PRKN: variants seen among roughly 807,000 people sequenced by gnomAD.
PRKN encodes the protein parkin RBR E3 ubiquitin protein ligase.
A neutral mutation model predicts 59.5 loss-of-function variants in PRKN; 56 were observed. The observed-to-expected ratio is 0.94, with a 90% CI of 0.76 to 1.18. The LOEUF (loss-of-function observed/expected upper bound fraction) is 1.18, where lower values mean the gene tolerates loss of function less well. Ranked by LOEUF, PRKN falls within the 50% of genes most tolerant of loss-of-function variation. PRKN has a pLI of 0.00. For missense variants in PRKN, 657 were observed against 596.4 expected, an observed-to-expected ratio of 1.10 and a Z score of -1.06; for synonymous variants, 250 against 222.1, an observed-to-expected ratio of 1.13 and a Z score of -1.12.
At chr6:162,668,422 C>T (rs1231608932) in intron 1 of PRKN, among the ~76,000 whole-genome samples, 3 of 152,010 alleles carry the variant, frequency 2.0e-5, no homozygotes, top group African/African-American at 7.2e-5. Context: ...GGCCAAGTGC[C>T]AAAGGCCAGC....
chr6:161,735,891 G>C (rs189612788), intron 7 of PRKN, among the ~76,000 whole-genome samples: 2 of 151,962 alleles, frequency 1.3e-5, no homozygotes, highest in Non-Finnish European at 2.9e-5. Context: ...CTCCAGCCTG[G>C]GCAACAGAGC....
rs1052522777 is a variant in PRKN at position 161,447,291 on chromosome 6, G to A, written c.1084-60414C>T. ...TGACATGCTCAATCTAGGGTTTCCC[G>A]CGGCTAAACCCTAAAATTCACTTCG... is the stretch of plus-strand genomic sequence containing the variant. On this transcript the variant is annotated intron_variant, in intron 9 of 11. Coordinates refer to ENST00000366898, the MANE Select transcript of PRKN (RefSeq NM_004562.3). This position sits in a 1 kb window ranked among gnomAD's most constrained non-coding sequence, Gnocchi z 4.1. Among the ~76,000 whole-genome samples, 5 of 152,120 alleles carry A rather than the reference G, an allele frequency of 3.3e-5. No homozygotes were observed. The highest frequency in any genetic ancestry group is 6.5e-5 in the Admixed American group (1 of 15,284).
Position 161,349,926 on chromosome 6 carries a change from G to A in PRKN, c.*173C>T, listed in dbSNP as rs965019796. 1.5e-6 allele frequency: 1 copy of A among 662,170 alleles called. No individual in the cohort carries two copies. The highest frequency in any genetic ancestry group is 2.8e-6 in the Non-Finnish European group (1 of 361,240). The allele number at this position is 662,170 out of a possible 1,614,324, so 41.0% of individuals were successfully genotyped here. A position where few individuals can be genotyped will look rare whatever the true frequency, so the allele number is the denominator to read the frequency against. On this transcript the variant is annotated 3_prime_UTR_variant, in exon 12 of 12. Coordinates refer to ENST00000366898, the MANE Select transcript of PRKN (RefSeq NM_004562.3). This position sits in a 1 kb window ranked among gnomAD's most constrained non-coding sequence, Gnocchi z 5.5. Reference sequence around the variant, plus strand: ...TGTTTTTCATGGACATAGTGAAAGGGATCCAGGAGTTTCTTCTGCAATTTG... The same window carrying A: ...TGTTTTTCATGGACATAGTGAAAGGAATCCAGGAGTTTCTTCTGCAATTTG...
At chr6:161,789,394 C>T (rs953258871) in intron 6 of PRKN, among the ~76,000 whole-genome samples, 3 of 152,138 alleles carry the variant, frequency 2.0e-5, no homozygotes, top group Non-Finnish European at 4.4e-5. Flanking sequence ...TCTCTCCGCA[C>T]CTCCGTCCCC....
At chr6:161,801,291 C>G (rs1486606309) in intron 6 of PRKN, among the ~76,000 whole-genome samples, 1 of 152,218 alleles carries the variant, frequency 6.6e-6, no homozygotes, top group Non-Finnish European at 1.5e-5. Flanking sequence ...GAAACTGAGT[C>G]TTCTGGTTCT....
rs199565064 is a variant in PRKN at position 161,552,583 on chromosome 6, AC to A, written c.934-3581del. Among the ~76,000 whole-genome samples, 492 of 145,754 alleles carry A rather than the reference AC, an allele frequency of 3.4e-3. 28 individuals are homozygous for A. Among genetic ancestry groups the A allele is most frequent in the African/African-American group, 0.012 (442 of 36,942 alleles). ...CCAAATCCTTCCACATTGAAAAAAA[AC>A]AAAAACAAAAAACAAAAAACAAAAA... On this transcript the variant is annotated intron_variant, in intron 8 of 11. Transcript: ENST00000366898. This position sits in a 1 kb window ranked among gnomAD's most constrained non-coding sequence, Gnocchi z 4.9.
chr6:162,443,526 T>C (rs1790164890), intron 1 of PRKN, 53 bp from the exon 2 acceptor site: 1 of 1,544,974 alleles, frequency 6.5e-7, no homozygotes, highest in Non-Finnish European at 9.0e-7. Context: ...CTCGAAGCCC[T>C]TAAATGGTGA....
intron 9 of PRKN, among the ~76,000 whole-genome samples, chr6:161,543,224 T>C (rs927859831): frequency 6.6e-6 from 1 of 152,246 alleles, no homozygotes; most frequent in Non-Finnish European, 1.5e-5. Flanking sequence ...CTCATTTCAC[T>C]AAAACCTCCA....
At chr6:161,514,976 A>G (rs984842799) in intron 9 of PRKN, among the ~76,000 whole-genome samples, 1 of 147,352 alleles carries the variant, frequency 6.8e-6, no homozygotes, top group Non-Finnish European at 1.5e-5. Context: ...GAGAGGCCCA[A>G]TTGTTAGTTA....
chr6:162,283,893 C>T (rs2128107117), intron 2 of PRKN, among the ~76,000 whole-genome samples: 1 of 152,286 alleles, frequency 6.6e-6, no homozygotes, highest in South Asian at 2.1e-4. Context: ...AAGATACACA[C>T]TAGCGTGTTC....
intron 2 of PRKN, among the ~76,000 whole-genome samples, chr6:162,402,505 T>G (rs1249638549): frequency 6.6e-6 from 1 of 151,930 alleles, no homozygotes; most frequent in East Asian, 1.9e-4. Flanking sequence ...ATTCATTGTC[T>G]CGGGGTATAA....
intron 4 of PRKN, among the ~76,000 whole-genome samples, chr6:162,197,416 A>G (rs1263773291): frequency 6.6e-6 from 1 of 152,218 alleles, no homozygotes; most frequent in Admixed American, 6.5e-5. Context: ...TATGGATTAT[A>G]TAAGTTATCT....
rs59889520 is a variant in PRKN, at chr6:161,549,118, ATGTG to A, written c.934-119_934-116del. ...TTAACCAGTTTCAGTAAAATAATGCATGTGTGTGTGTGTGTGTGTGTGTAGGGGG... is the reference window on the plus strand; with the variant it reads ...TTAACCAGTTTCAGTAAAATAATGCATGTGTGTGTGTGTGTGTGTAGGGGG... On this transcript the variant is annotated intron_variant, in intron 8 of 11. Coordinates refer to ENST00000366898, the MANE Select transcript of PRKN (RefSeq NM_004562.3). The surrounding 1 kb of genome is among the most constrained non-coding windows in gnomAD (Gnocchi z 6.0). 0.24 allele frequency: 211,410 copies of A among 869,732 alleles called. 18,694 individuals carry two copies. Among genetic ancestry groups the A allele is most frequent in the East Asian group, 0.39 (14,194 of 36,348 alleles). The allele number at this position is 869,732 out of a possible 1,614,324, so 53.9% of individuals were successfully genotyped here.
intron 2 of PRKN, among the ~76,000 whole-genome samples, chr6:162,382,535 T>C (rs1041561137): frequency 6.6e-6 from 1 of 152,218 alleles, no homozygotes; most frequent in Non-Finnish European, 1.5e-5. Flanking sequence ...TAAAAATACG[T>C]TATTGCTAAA....
chr6:161,384,022 TG>T (rs1209312253), intron 10 of PRKN, among the ~76,000 whole-genome samples: 9 of 152,134 alleles, frequency 5.9e-5, no homozygotes, highest in Admixed American at 2.6e-4. Flanking sequence ...CCTCATCTCC[TG>T]GGGGGGTCTA....
At chr6:162,349,853 A>G (rs1784553475) in intron 2 of PRKN, among the ~76,000 whole-genome samples, 1 of 152,198 alleles carries the variant, frequency 6.6e-6, no homozygotes, top group South Asian at 2.1e-4. Context: ...AGTCAATGCA[A>G]TAATTCCAAA....
At chr6:162,188,988 G>C (rs1466175748) in intron 4 of PRKN, among the ~76,000 whole-genome samples, 1 of 150,736 alleles carries the variant, frequency 6.6e-6, no homozygotes. Flanking sequence ...GAGATTAGAC[G>C]ACTGCAAAGT....
chr6:161,571,063 C>T (rs1780869153), intron 7 of PRKN, among the ~76,000 whole-genome samples: 1 of 152,092 alleles, frequency 6.6e-6, no homozygotes, highest in Non-Finnish European at 1.5e-5. Flanking sequence ...TCCTGAGTAG[C>T]TGGGACTACA....
At chr6:162,077,577 A>T (rs1173043017) in intron 4 of PRKN, among the ~76,000 whole-genome samples, 1 of 152,096 alleles carries the variant, frequency 6.6e-6, no homozygotes, top group African/African-American at 2.4e-5. Flanking sequence ...GTATTCTTTC[A>T]AAATAGCCCA....
Sources: allele counts gnomAD v4.1 joint callset (sites outside exome capture counted in the v4.1 genomes callset), GRCh38; gene constraint gnomAD v4.1.1; non-coding constraint Gnocchi (gnomAD v3.1); transcripts MANE v1.5; gene names NCBI Gene and HGNC (gene_info 2026-07-23, HGNC 2026-07-21).